NRIP3: variants seen among roughly 807,000 people sequenced by gnomAD.
The protein encoded by NRIP3 is nuclear receptor-interacting protein 3.
In NRIP3, 31 loss-of-function variants were observed where a neutral mutation model predicts 29.0. The ratio of observed to expected loss-of-function variants is 1.07; its 90% CI spans 0.80 to 1.44. The LOEUF is 1.44. Among genes scored for constraint, NRIP3 ranks in the 40% most tolerant of loss-of-function variants. The pLI, the probability that NRIP3 is intolerant of heterozygous loss-of-function variation, is 0.00. For synonymous variants in NRIP3, 131 were observed against 118.3 expected, an observed-to-expected ratio of 1.11 and a Z score of -0.70; for missense variants, 314 against 297.9, an observed-to-expected ratio of 1.05 and a Z score of -0.40.
chr11:8,987,608 G>C lies in NRIP3; in HGVS notation c.362C>G (p.Ala121Gly), dbSNP rs1475547564. ...SCQCAGKDVK[A>G]LVDTGCLYNL... is the part of the protein sequence containing the mutation. Reference sequence around the variant, plus strand: ...ATATAGGCAGCCTGTGTCAACCAAGGCTTTCACATCCTTTCCAGCACACTG... The same window carrying C: ...ATATAGGCAGCCTGTGTCAACCAAGCCTTTCACATCCTTTCCAGCACACTG... Residue 121 changes from alanine to glycine, a missense_variant, in exon 3 of 7, where the codon GCC becomes GGC. Physicochemically the swap from Ala to Gly is moderately conservative, Grantham distance 60. Coordinates refer to ENST00000309166, the MANE Select transcript of NRIP3 (RefSeq NM_020645.3). 3.7e-6 allele frequency: 6 copies of C among 1,613,876 alleles called. No homozygotes were observed. The African/African-American group carries it at 5.3e-5, about 14-fold the overall frequency.
In NRIP3 at chr11:8,988,275, TGAG is replaced by T; in HGVS notation, c.179_181del (p.Pro60del). On this transcript the variant is annotated inframe_deletion, in exon 2 of 7. Coordinates refer to ENST00000309166, the MANE Select transcript of NRIP3 (RefSeq NM_020645.3). ...CATGAGGCGCCTCTGCAGAATATTA[TGAG>T]GTTGCTTGAGGGATAGAAAGCAGAG... The T allele has an allele frequency of 6.2e-7, 1 of 1,613,316 alleles. No individual in the cohort carries two copies. Among genetic ancestry groups the T allele is most frequent in the Non-Finnish European group, 8.5e-7 (1 of 1,179,500 alleles).
intron 3 of NRIP3, among the ~76,000 whole-genome samples, chr11:8,987,321 G>A (rs943430233): frequency 1.3e-5 from 2 of 152,092 alleles, no homozygotes; most frequent in Admixed American, 1.3e-4. Flanking sequence ...CTTAATAGGG[G>A]GAGTTAACAG....
In NRIP3 at chr11:8,983,302, CA is replaced by C; in HGVS notation, c.*242del. On this transcript the variant is annotated 3_prime_UTR_variant, in exon 7 of 7. Transcript: ENST00000309166. ...AGGCCACAAGTGAGACTGGCAGTGTCAAAAAAGGTCTATAAGTTAAGTGATC... is the reference window on the plus strand; with the variant it reads ...AGGCCACAAGTGAGACTGGCAGTGTCAAAAAGGTCTATAAGTTAAGTGATC... The C allele has an allele frequency of 1.8e-5, 10 of 565,012 alleles. No individual in the cohort carries two copies. The highest frequency in any genetic ancestry group is 6.9e-5 in the Admixed American group (2 of 28,926). 35.0% of individuals were successfully genotyped at this position (565,012 alleles called of 1,614,324 possible).
chr11:8,995,057 T>A (rs1056895091), intron 1 of NRIP3, among the ~76,000 whole-genome samples: 2 of 152,148 alleles, frequency 1.3e-5, no homozygotes, highest in African/African-American at 4.8e-5. Context: ...ATTCCCTATC[T>A]CGGTGGGTGA....
Position 9,003,927 on chromosome 11 carries a change from G to A in NRIP3, c.9C>T (p.Tyr3=). The A allele has an allele frequency of 6.0e-6, 9 of 1,497,848 alleles. No homozygotes were observed. The highest frequency in any genetic ancestry group is 8.0e-6 in the Non-Finnish European group (9 of 1,122,318). The allele number at this position is 1,497,848 out of a possible 1,614,324, so 92.8% of individuals were successfully genotyped here. A position where few individuals can be genotyped will look rare whatever the true frequency, so the allele number is the denominator to read the frequency against. The change falls in exon 1 of 7, where the codon TAC becomes TAT. Residue 3 remains tyrosine, a synonymous_variant. Coordinates refer to ENST00000309166, the MANE Select transcript of NRIP3 (RefSeq NM_020645.3). ...GGCCGCCCTCAGTGAGGAGCCCTGA[G>A]TAAAACATCGCTGAGGCGCCGGCGG... MF[Y]SGLLTEGGRK... is the part of the protein sequence containing the mutation.
intron 3 of NRIP3, among the ~76,000 whole-genome samples, chr11:8,986,132 C>A (rs1425952893): frequency 6.6e-6 from 1 of 152,230 alleles, no homozygotes; most frequent in African/African-American, 2.4e-5. Flanking sequence ...GAATCCTATT[C>A]TGTATCCTAC....
At chr11:8,984,297 T>C (rs1284817529) in intron 4 of NRIP3, among the ~76,000 whole-genome samples, 173 bp from the exon 5 acceptor site, 5 of 152,040 alleles carry the variant, frequency 3.3e-5, no homozygotes, top group Admixed American at 3.3e-4. Flanking sequence ...AGTTTCGCTC[T>C]TGTTGCCCAG....
Position 8,981,147 on chromosome 11 carries a change from G to A in NRIP3, c.*2398C>T, listed in dbSNP as rs1362194077. 1 of 152,226 alleles carries A rather than the reference G, an allele frequency of 6.6e-6. No individual in the cohort carries two copies. Among genetic ancestry groups the A allele is most frequent in the African/African-American group, 2.4e-5 (1 of 41,440 alleles). The allele number at this position is 152,226 out of a possible 1,614,324, so 9.4% of individuals were successfully genotyped here. A position where few individuals can be genotyped will look rare whatever the true frequency, so the allele number is the denominator to read the frequency against. On this transcript the variant is annotated 3_prime_UTR_variant, in exon 7 of 7. Transcript: ENST00000309166. ...TGCACATCAAGGAGATATGAGCTAG[G>A]AGAATAATCAACTTGGAGGCATTTA... is the stretch of plus-strand genomic sequence containing the variant.
At chr11:8,986,738 G>A (rs975888611) in intron 3 of NRIP3, among the ~76,000 whole-genome samples, 11 of 152,220 alleles carry the variant, frequency 7.2e-5, no homozygotes, top group African/African-American at 2.7e-4. Flanking sequence ...AAAGCTCAGG[G>A]CTGGGTGCAG....
At position 9,003,908 on chromosome 11, in the gene NRIP3, C is replaced by T; in HGVS notation, c.28G>A (p.Gly10Ser). Residue 10 changes from glycine to serine, a missense_variant, in exon 1 of 7, where the codon GGC (glycine) becomes AGC (serine). Transcript: ENST00000309166. ...CGCATGTCGGTCTCCTTGCGGCCGC[C>T]CTCAGTGAGGAGCCCTGAGTAAAAC... MFYSGLLTE[G>S]GRKETDMREA... 6.6e-7 allele frequency: 1 copy of T among 1,519,640 alleles called. No individual in the cohort carries two copies. The highest frequency in any genetic ancestry group is 8.8e-7 in the Non-Finnish European group (1 of 1,134,960). The allele number at this position is 1,519,640 out of a possible 1,614,324, so 94.1% of individuals were successfully genotyped here.
Position 8,983,010 on chromosome 11 carries a change from A to G in NRIP3, c.*535T>C. ...TTGCCTCTCTGGACCTTTAAATGAAAGAGTTAAACTGTAATGGATAATGTC... is the reference window on the plus strand; with the variant it reads ...TTGCCTCTCTGGACCTTTAAATGAAGGAGTTAAACTGTAATGGATAATGTC... On this transcript the variant is annotated 3_prime_UTR_variant, in exon 7 of 7. Transcript: ENST00000309166. 2.2e-6 allele frequency: 1 copy of G among 456,688 alleles called. No homozygotes were observed. Among genetic ancestry groups the G allele is most frequent in the South Asian group, 1.5e-5 (1 of 64,554 alleles). The allele number at this position is 456,688 out of a possible 1,614,324, so 28.3% of individuals were successfully genotyped here. A position where few individuals can be genotyped will look rare whatever the true frequency, so the allele number is the denominator to read the frequency against.
intron 1 of NRIP3, among the ~76,000 whole-genome samples, chr11:8,995,724 A>C (rs917073711): frequency 6.6e-6 from 1 of 152,078 alleles, no homozygotes; most frequent in Non-Finnish European, 1.5e-5. Context: ...TTTACTCAAA[A>C]CCCTTCAATG....
At chr11:8,990,589 C>T (rs537971400) in intron 1 of NRIP3, among the ~76,000 whole-genome samples, 1 of 152,050 alleles carries the variant, frequency 6.6e-6, no homozygotes, top group East Asian at 1.9e-4. Context: ...AGTTCGAGAC[C>T]AGCCTGTCCA....
At chr11:8,983,583 G>C in intron 6 of NRIP3, 23 bp from the exon 7 acceptor site, 1 of 1,611,792 alleles carries the variant, frequency 6.2e-7, no homozygotes, top group Non-Finnish European at 8.5e-7. Context: ...ATAAATATCA[G>C]GAGAAATAAT....
chr11:8,991,041 C>T (rs1397111052), intron 1 of NRIP3, among the ~76,000 whole-genome samples: 2 of 152,136 alleles, frequency 1.3e-5, no homozygotes, highest in Non-Finnish European at 2.9e-5. Flanking sequence ...GTGGCTCACA[C>T]CTGTAATCCC....
At position 9,002,178 on chromosome 11, in the gene NRIP3, CTG is replaced by C. The variant is rs569840966; in HGVS notation, c.174+1582_174+1583del. 4.1e-4 allele frequency among the ~76,000 whole-genome samples: 63 copies of C among 152,318 alleles called. 1 individual carries two copies. The highest frequency in any genetic ancestry group is 6.9e-4 in the Non-Finnish European group (47 of 68,022). On this transcript the variant is annotated intron_variant, in intron 1 of 6. Transcript: ENST00000309166. ...CAACCAAATCCAGCATTTAAAAACT[CTG>C]TATTTTAATTCTTCTCTTAATATAA...
At chr11:8,995,036 C>T (rs1483026618) in intron 1 of NRIP3, among the ~76,000 whole-genome samples, 1 of 152,084 alleles carries the variant, frequency 6.6e-6, no homozygotes, top group Non-Finnish European at 1.5e-5. Context: ...CAAACTTGCG[C>T]ATTCTCCCTT....
chr11:8,983,831 A>G (rs1360636143), intron 6 of NRIP3, 44 bp downstream of exon 6: 9 of 1,511,088 alleles, frequency 6.0e-6, no homozygotes, highest in Non-Finnish European at 8.3e-6. Flanking sequence ...CTCGCAGCTG[A>G]TGACAAATGG....
chr11:9,001,420 G>A (rs1022936256), intron 1 of NRIP3, among the ~76,000 whole-genome samples: 2 of 152,106 alleles, frequency 1.3e-5, no homozygotes, highest in African/African-American at 4.8e-5. Context: ...CTGGTATGAG[G>A]AAAAACAACC....
Sources: gnomAD v4.1 joint callset for allele counts (sites outside exome capture counted in the v4.1 genomes callset) on GRCh38, gnomAD v4.1.1 for gene constraint, MANE v1.5 for transcripts, NCBI Gene and HGNC (gene_info 2026-07-23, HGNC 2026-07-21) for gene names.